Variants in MYOM2 observed in about 807,000 individuals in gnomAD.
The protein encoded by MYOM2 is myomesin 2.
A neutral mutation model predicts 187.6 loss-of-function variants in MYOM2; 254 were observed. The observed-to-expected ratio is 1.35, with a 90% CI of 1.22 to 1.50. The LOEUF is 1.50. Among genes scored for constraint, MYOM2 ranks in the 40% most tolerant of loss-of-function variants. The pLI is 0.00. For missense variants in MYOM2, 2,796 were observed against 1,924.0 expected, an observed-to-expected ratio of 1.45 and a Z score of -8.48; for synonymous variants, 981 against 753.8, an observed-to-expected ratio of 1.30 and a Z score of -4.94.
At chr8:2,126,626 G>C (rs551247086) in intron 31 of MYOM2, among the ~76,000 whole-genome samples, 1 of 151,874 alleles carries the variant, frequency 6.6e-6, no homozygotes, top group Admixed American at 6.6e-5. Flanking sequence ...GGGGAGCATT[G>C]GGGGAGGCTG....
At chr8:2,097,203 T>G in intron 18 of MYOM2, 1 of 581,096 alleles carries the variant, frequency 1.7e-6, no homozygotes, top group Non-Finnish European at 2.2e-6. Flanking sequence ...TATAAATCTA[T>G]CTCTTTATAA....
At position 2,141,246 on chromosome 8, in the gene MYOM2, G is replaced by C. The variant is rs1798264852; in HGVS notation, c.4001+69G>C. ...TGAGTCCCAGTCGTTTTGGCTGCATGTGGGAATCTGTATGGAAGCCTGGGT... is the reference window on the plus strand; with the variant it reads ...TGAGTCCCAGTCGTTTTGGCTGCATCTGGGAATCTGTATGGAAGCCTGGGT... On this transcript the variant is annotated intron_variant, in intron 34 of 36. Coordinates refer to ENST00000262113, the MANE Select transcript of MYOM2 (RefSeq NM_003970.4). 2.1e-6 allele frequency: 3 copies of C among 1,401,494 alleles called. No individual in the cohort carries two copies. In the East Asian group the frequency reaches 6.9e-5, roughly 32 times the overall value. 86.8% of individuals were successfully genotyped at this position (1,401,494 alleles called of 1,614,324 possible). A position where few individuals can be genotyped will look rare whatever the true frequency, so the allele number is the denominator to read the frequency against.
At chr8:2,086,315 CGTGATCTCTGCGTGGCCCCCCACTGTT>C (rs2116709740) in intron 14 of MYOM2, among the ~76,000 whole-genome samples, 1,366 of 98,460 alleles carry the variant, frequency 0.014, 357 homozygotes, top group Middle Eastern at 0.032. Context: ...CCCCCACAGT[CGTGATCTCTGCGTGGCCCCCCACTGTT>C]GTGATCTCTG....
At chr8:2,143,790 A>G (rs535271028) in intron 36 of MYOM2, among the ~76,000 whole-genome samples, 89 of 152,286 alleles carry the variant, frequency 5.8e-4, no homozygotes, top group African/African-American at 2.0e-3. Flanking sequence ...CAACTGCAGG[A>G]TGAGGCAGCC....
intron 21 of MYOM2, among the ~76,000 whole-genome samples, chr8:2,105,838 C>T (rs1048134248): frequency 3.3e-5 from 5 of 152,150 alleles, no homozygotes; most frequent in Non-Finnish European, 5.9e-5. Flanking sequence ...GGCATTAGTC[C>T]GTTCTCACGC....
At chr8:2,048,550 G>A (rs901234195) in intron 1 of MYOM2, among the ~76,000 whole-genome samples, 1 of 149,496 alleles carries the variant, frequency 6.7e-6, no homozygotes, top group African/African-American at 2.6e-5. Flanking sequence ...GACAGCAACC[G>A]ATTTCGGTAC....
intron 27 of MYOM2, among the ~76,000 whole-genome samples, chr8:2,116,671 AT>A (rs1797255507): frequency 6.6e-6 from 1 of 152,222 alleles, no homozygotes; most frequent in African/African-American, 2.4e-5. Flanking sequence ...TTTTAAATAG[AT>A]TGCTTTTACA....
Position 2,094,068 on chromosome 8 carries a change from T to C in MYOM2, c.2102T>C (p.Val701Ala). The C allele has an allele frequency of 6.2e-7, 1 of 1,614,102 alleles. No homozygotes were observed. The change falls in exon 17 of 37, where the codon GTC becomes GCC. Residue 701 changes from valine (V) to alanine (A), a missense_variant. Val to Ala is a moderately conservative substitution (Grantham distance 64, BLOSUM62 0). Coordinates refer to ENST00000262113, the MANE Select transcript of MYOM2 (RefSeq NM_003970.4). ...AGTGAAAATTCCCAGGAATCAGACG[T>C]CATAAAAGTGCAGGCCGCACTCAGT... ...GMSENSQESD[V>A]IKVQAALTVP...
chr8:2,082,724 G>T (rs376989056), intron 13 of MYOM2, among the ~76,000 whole-genome samples: 67 of 152,324 alleles, frequency 4.4e-4, no homozygotes, highest in African/African-American at 1.6e-3. Flanking sequence ...CTGTTCTACT[G>T]TGTTATTCTC....
intron 5 of MYOM2, among the ~76,000 whole-genome samples, chr8:2,058,222 T>C (rs533278475): frequency 1.6e-4 from 25 of 152,156 alleles, no homozygotes; most frequent in African/African-American, 6.0e-4. Flanking sequence ...TTTCACCATG[T>C]TGGCCAGGCT....
chr8:2,108,006 G>A (rs1796950081), intron 23 of MYOM2, among the ~76,000 whole-genome samples: 1 of 152,192 alleles, frequency 6.6e-6, no homozygotes, highest in African/African-American at 2.4e-5. Flanking sequence ...CCTACCAGAA[G>A]GTTGAACTGG....
At chr8:2,047,187 A>C (rs893329652) in intron 1 of MYOM2, among the ~76,000 whole-genome samples, 30 of 152,254 alleles carry the variant, frequency 2.0e-4, no homozygotes, top group African/African-American at 7.2e-4. Flanking sequence ...GGTTCCCTCC[A>C]CTCAGAAGGG....
chr8:2,074,169 G>A (rs959120921), intron 10 of MYOM2, among the ~76,000 whole-genome samples: 24 of 152,196 alleles, frequency 1.6e-4, no homozygotes, highest in African/African-American at 5.8e-4. Flanking sequence ...TTTATAAAAT[G>A]CCTATTGTAT....
rs973663732 is a variant in MYOM2 at position 2,076,199 on chromosome 8, C to G, written c.1179C>G (p.Asp393Glu). The G allele has an allele frequency of 6.2e-7, 1 of 1,613,452 alleles. No homozygotes were observed. Among genetic ancestry groups the G allele is most frequent in the African/African-American group, 1.3e-5 (1 of 74,922 alleles). ...PGAPMDLQCH[D>E]ANRDYVIVTW... The stretch of plus-strand genomic sequence containing the variant: ...CACCCATGGACTTGCAGTGCCACGA[C>G]GCCAACCGGGACTACGTCATCGTGA... Residue 393 changes from aspartate to glutamate, a missense_variant, in exon 11 of 37, where the codon GAC (aspartate) becomes GAG (glutamate). Physicochemically the swap from Asp to Glu is conservative, Grantham distance 45. Transcript: ENST00000262113.
chr8:2,097,650 G>C (rs1339748940), intron 18 of MYOM2, among the ~76,000 whole-genome samples: 8 of 152,054 alleles, frequency 5.3e-5, no homozygotes, highest in African/African-American at 1.9e-4. Context: ...GAGTAGCTGG[G>C]ATTACAGGCG....
intron 32 of MYOM2, among the ~76,000 whole-genome samples, chr8:2,136,705 AT>A (rs1798087705): frequency 6.6e-6 from 1 of 152,168 alleles, no homozygotes. Flanking sequence ...GGTGGGACAC[AT>A]TTACAGCTAT....
chr8:2,143,261 C>A (rs1026946031), intron 35 of MYOM2, 140 bp from the exon 36 acceptor site: 27 of 968,508 alleles, frequency 2.8e-5, no homozygotes, highest in Non-Finnish European at 3.4e-5. Flanking sequence ...ACATATAAAC[C>A]TTTTTCTTTG....
chr8:2,110,628 G>A (rs1797038489), intron 25 of MYOM2, among the ~76,000 whole-genome samples: 2 of 151,988 alleles, frequency 1.3e-5, no homozygotes, highest in South Asian at 4.2e-4. Context: ...AGTGTAGAGT[G>A]TGGTTGGCAA....
intron 27 of MYOM2, 91 bp downstream of exon 27, chr8:2,116,366 C>G (rs1172670986): frequency 1.4e-5 from 18 of 1,260,908 alleles, no homozygotes; most frequent in Non-Finnish European, 1.7e-5. Flanking sequence ...TGCATGATCC[C>G]AAGCAACCCT....
Sources: gnomAD v4.1 joint callset for allele counts (sites outside exome capture counted in the v4.1 genomes callset) on GRCh38, gnomAD v4.1.1 for gene constraint, MANE v1.5 for transcripts, NCBI Gene and HGNC (gene_info 2026-07-23, HGNC 2026-07-21) for gene names.